The following EPHA5 variants were observed in gnomAD, a reference collection of about 807,000 sequenced individuals.
EPHA5 encodes EPH receptor A5.
EPHA5 carries 60 observed loss-of-function variants against 105.0 expected under a neutral mutation model. The ratio of observed to expected loss-of-function variants is 0.57; its 90% confidence interval spans 0.46 to 0.71. The LOEUF (loss-of-function observed/expected upper bound fraction) is 0.71. EPHA5 is among the 30% of genes least tolerant of loss of function. EPHA5 has a pLI of 0.00. For synonymous variants in EPHA5, 513 were observed against 449.1 expected (o/e 1.14, Z -1.80); for missense variants, 1,218 against 1,274.7 (o/e 0.96, Z 0.68).
rs909016151 is a variant in EPHA5 at position 65,608,503 on chromosome 4, C to CA, written c.247-6200dup. Among the ~76,000 whole-genome samples, 844 of 126,190 alleles carry CA rather than the reference C, an allele frequency of 6.7e-3. 2 individuals are homozygous for CA. Among genetic ancestry groups the CA allele is most frequent in the African/African-American group, 0.012 (416 of 33,998 alleles). The allele number at this position is 126,190 out of a possible 152,430, so 82.8% of individuals were successfully genotyped here. ...TGGGCGACAGAGCGAGACTCCATCT[C>CA]AAAAAAAAAAAGAAAAAAAGAAAAA... On this transcript the variant is annotated intron_variant, in intron 2 of 16. Coordinates refer to ENST00000613740, the MANE Select transcript of EPHA5 (RefSeq NM_001281766.3).
chr4:65,626,934 C>G (rs973243416), intron 2 of EPHA5, among the ~76,000 whole-genome samples: 3 of 152,128 alleles, frequency 2.0e-5, no homozygotes, highest in African/African-American at 7.2e-5. Flanking sequence ...ACTTGAAATC[C>G]TCTCTAGCCA....
intron 5 of EPHA5, among the ~76,000 whole-genome samples, chr4:65,460,762 A>C (rs1354269169): frequency 6.6e-6 from 1 of 151,734 alleles, no homozygotes; most frequent in African/African-American, 2.4e-5. Flanking sequence ...TCTCATTGAA[A>C]CTGTAATGGT....
chr4:65,527,968 T>C (rs1560651238), intron 3 of EPHA5, among the ~76,000 whole-genome samples: 1 of 152,162 alleles, frequency 6.6e-6, no homozygotes, highest in Admixed American at 6.6e-5. Context: ...CCAGTGGTAG[T>C]TTGCTAAGGA....
At chr4:65,639,144 T>A (rs1747416685) in intron 2 of EPHA5, among the ~76,000 whole-genome samples, 1 of 152,206 alleles carries the variant, frequency 6.6e-6, no homozygotes, top group East Asian at 1.9e-4. Flanking sequence ...ATAATCAGTT[T>A]ATGTTTCCCT....
intron 6 of EPHA5, among the ~76,000 whole-genome samples, chr4:65,414,726 T>C (rs868047508): frequency 1.5e-4 from 23 of 152,290 alleles, no homozygotes; most frequent in Non-Finnish European, 2.8e-4. Flanking sequence ...CATAATGTTG[T>C]AGGAGACTGA....
At chr4:65,531,816 C>T (rs1735828650) in intron 3 of EPHA5, among the ~76,000 whole-genome samples, 1 of 152,162 alleles carries the variant, frequency 6.6e-6, no homozygotes, top group Non-Finnish European at 1.5e-5. Context: ...TGCTTAGTAA[C>T]TCTCAGGCTT....
At chr4:65,488,885 A>ATT (rs5858962) in intron 5 of EPHA5, among the ~76,000 whole-genome samples, 9,736 of 117,462 alleles carry the variant, frequency 0.083, 1,257 homozygotes, top group African/African-American at 0.21. Flanking sequence ...AGCTGCATGC[A>ATT]TTTTTTTTTT....
intron 16 of EPHA5, among the ~76,000 whole-genome samples, chr4:65,326,451 T>C (rs1720089965): frequency 6.6e-6 from 1 of 151,422 alleles, no homozygotes; most frequent in Non-Finnish European, 1.5e-5. Context: ...AGAAAATGTC[T>C]AATGAAGGGA....
intron 16 of EPHA5, chr4:65,331,268 A>G (rs1277645963): frequency 2.9e-6 from 3 of 1,029,810 alleles, no homozygotes; most frequent in Non-Finnish European, 3.5e-6. Flanking sequence ...GGCTAAAACA[A>G]CCACATGTAC....
intron 1 of EPHA5, among the ~76,000 whole-genome samples, chr4:65,643,910 A>AT (rs1214316207): frequency 6.6e-6 from 1 of 152,026 alleles, no homozygotes; most frequent in Non-Finnish European, 1.5e-5. Flanking sequence ...AGATTGTAAC[A>AT]TTTTTTGTGA....
At chr4:65,546,529 T>C (rs186805699) in intron 3 of EPHA5, among the ~76,000 whole-genome samples, 1 of 152,160 alleles carries the variant, frequency 6.6e-6, no homozygotes, top group East Asian at 1.9e-4. Flanking sequence ...TCTCAAATAG[T>C]TTTCTCTGTA....
At chr4:65,557,233 G>GATAT (rs61008833) in intron 3 of EPHA5, among the ~76,000 whole-genome samples, 13,721 of 90,862 alleles carry the variant, frequency 0.15, 1,305 homozygotes, top group Middle Eastern at 0.32. Context: ...TTTATACTGG[G>GATAT]ATATATATAT....
At chr4:65,563,022 ATGTAAAAGC>A (rs1739177108) in intron 3 of EPHA5, among the ~76,000 whole-genome samples, 1 of 151,924 alleles carries the variant, frequency 6.6e-6, no homozygotes, top group South Asian at 2.1e-4. Context: ...AATATACTAT[ATGTAAAAGC>A]TTTGCTTTAG....
At chr4:65,565,620 T>C (rs1343725348) in intron 3 of EPHA5, among the ~76,000 whole-genome samples, 3 of 151,536 alleles carry the variant, frequency 2.0e-5, no homozygotes, top group Non-Finnish European at 4.4e-5. Flanking sequence ...AATAATATTC[T>C]GCTTTCAGCA....
intron 3 of EPHA5, among the ~76,000 whole-genome samples, chr4:65,507,556 G>A (rs1330567989): frequency 1.3e-5 from 2 of 152,114 alleles, no homozygotes; most frequent in African/African-American, 4.8e-5. Flanking sequence ...GCAGTGGTTT[G>A]TAGTTCTCCT....
intron 3 of EPHA5, among the ~76,000 whole-genome samples, chr4:65,569,710 T>C (rs934771183): frequency 2.6e-5 from 4 of 151,748 alleles, no homozygotes; most frequent in South Asian, 2.1e-4. Flanking sequence ...TGTGAAAATA[T>C]GCAAGTGAAA....
At chr4:65,383,890 A>G (rs1577974241) in intron 8 of EPHA5, among the ~76,000 whole-genome samples, 2 of 152,096 alleles carry the variant, frequency 1.3e-5, no homozygotes, top group East Asian at 3.9e-4. Context: ...CGTAAGCCAT[A>G]TTCCCATTTG....
chr4:65,593,531 C>G (rs13110504), intron 3 of EPHA5, among the ~76,000 whole-genome samples: 74,728 of 152,026 alleles, frequency 0.49, 20,107 homozygotes, highest in Middle Eastern at 0.65. Flanking sequence ...CCAGATTTAA[C>G]ATTCTGGGGT....
At chr4:65,641,959 T>A (rs957757920) in intron 2 of EPHA5, among the ~76,000 whole-genome samples, 2 of 152,110 alleles carry the variant, frequency 1.3e-5, no homozygotes, top group African/African-American at 4.8e-5. Context: ...ATGTATAAAA[T>A]TGAGTAATTG....
Sources: gnomAD v4.1 joint callset for allele counts (sites outside exome capture counted in the v4.1 genomes callset) on GRCh38, gnomAD v4.1.1 for gene constraint, MANE v1.5 for transcripts, NCBI Gene and HGNC (gene_info 2026-07-23, HGNC 2026-07-21) for gene names.